Variants in MBP observed in about 807,000 individuals in gnomAD.
MBP encodes Golli-MBP.
Under a neutral mutation model 35.8 loss-of-function variants are expected in MBP, and 16 were observed. That is an observed-to-expected ratio of 0.45 (90% CI 0.30 to 0.68). MBP has a LOEUF of 0.68. Among genes scored for constraint, MBP ranks in the 30% least tolerant of loss-of-function variants. The pLI, the probability that MBP is intolerant of heterozygous loss-of-function variation, is 0.08. For synonymous variants in MBP, 143 were observed against 159.6 expected (o/e 0.90, Z 0.78); for missense variants, 380 against 404.7 (o/e 0.94, Z 0.52).
At chr18:77,109,527 G>A (rs1184283948) in intron 1 of MBP, 2 of 152,224 alleles carry the variant, frequency 1.3e-5, no homozygotes, top group Non-Finnish European at 2.9e-5. Context: ...AAATAATTGT[G>A]AGTGCAATTT....
At chr18:77,073,587 C>T (rs1974535378) in intron 2 of MBP, among the ~76,000 whole-genome samples, 1 of 152,232 alleles carries the variant, frequency 6.6e-6, no homozygotes, top group Admixed American at 6.5e-5. Flanking sequence ...CGCCAGTGCC[C>T]TGCTCCGCAG....
chr18:77,010,730 T>C (rs1427652357), intron 4 of MBP, among the ~76,000 whole-genome samples: 1 of 152,238 alleles, frequency 6.6e-6, no homozygotes, highest in Non-Finnish European at 1.5e-5. Context: ...CTAAGTAGCA[T>C]TAGCTCCTAA....
intron 2 of MBP, among the ~76,000 whole-genome samples, chr18:77,088,754 A>G (rs928334609): frequency 5.9e-5 from 9 of 152,338 alleles, no homozygotes; most frequent in Middle Eastern, 3.4e-3. Flanking sequence ...TATTCAAATC[A>G]TTAATGATCC....
At chr18:77,084,418 C>A (rs1308809158) in intron 2 of MBP, among the ~76,000 whole-genome samples, 3 of 42,764 alleles carry the variant, frequency 7.0e-5, no homozygotes, top group Non-Finnish European at 5.4e-5. Context: ...ACCGCCCCCC[C>A]CGCCACACCA....
At chr18:77,060,564 C>T (rs1973939525) in intron 3 of MBP, among the ~76,000 whole-genome samples, 1 of 149,152 alleles carries the variant, frequency 6.7e-6, no homozygotes, top group African/African-American at 2.5e-5. Flanking sequence ...AGGAATTCTG[C>T]CTCAGCCTTC....
At chr18:77,063,599 A>G in intron 3 of MBP, among the ~76,000 whole-genome samples, 1 of 152,226 alleles carries the variant, frequency 6.6e-6, no homozygotes, top group Non-Finnish European at 1.5e-5. Context: ...TCCGGTGTCC[A>G]AGGACCTGGG....
At chr18:77,052,173 C>T (rs912423344) in intron 3 of MBP, among the ~76,000 whole-genome samples, 1 of 152,182 alleles carries the variant, frequency 6.6e-6, no homozygotes, top group African/African-American at 2.4e-5. Flanking sequence ...CGGGGCGATC[C>T]AACAGCCACA....
chr18:77,105,362 G>A lies in MBP; in HGVS notation c.-25-76C>T, dbSNP rs906672515. 1.3e-5 allele frequency: 12 copies of A among 937,378 alleles called. No individual in the cohort carries two copies. In the African/African-American group the frequency reaches 1.6e-4, roughly 13 times the overall value. The allele number at this position is 937,378 out of a possible 1,614,324, so 58.1% of individuals were successfully genotyped here. Reference sequence around the variant, plus strand: ...TTCGATGTTGTTTTTCCATCAGAAAGACAATCCTGTGATATATGTAATGCC... The same window carrying A: ...TTCGATGTTGTTTTTCCATCAGAAAAACAATCCTGTGATATATGTAATGCC... On this transcript the variant is annotated intron_variant, in intron 1 of 8. Transcript: ENST00000355994.
At chr18:77,000,826 A>C (rs1287197629) in intron 4 of MBP, among the ~76,000 whole-genome samples, 1 of 152,244 alleles carries the variant, frequency 6.6e-6, no homozygotes, top group Non-Finnish European at 1.5e-5. Context: ...CGCCCGATGC[A>C]TCTGAAGATC....
In MBP at chr18:77,081,378, C is replaced by T. The variant is rs1056507488; in HGVS notation, c.52-14993G>A. Among the ~76,000 whole-genome samples the T allele has an allele frequency of 4.6e-5, 7 of 151,944 alleles. 1 individual carries two copies. Among genetic ancestry groups the T allele is most frequent in the Admixed American group, 1.3e-4 (2 of 15,260 alleles). Reference sequence around the variant, plus strand: ...CAACAAAAAGACAAAAACCCAAGTTCGAAAGATGGGGAAAAAATTTGAATA... The same window carrying T: ...CAACAAAAAGACAAAAACCCAAGTTTGAAAGATGGGGAAAAAATTTGAATA... On this transcript the variant is annotated intron_variant, in intron 2 of 8. Transcript: ENST00000355994.
At position 77,101,441 on chromosome 18, in the gene MBP, C is replaced by T. The variant is rs1257761240; in HGVS notation, c.51+3770G>A. ...CTGAGAAGGAGCGCTGTGCCCTGAA[C>T]CTGCGCCTGCCTGGAGGAAGTTACA... is the stretch of plus-strand genomic sequence containing the variant. On this transcript the variant is annotated intron_variant, in intron 2 of 8. Transcript: ENST00000355994. The surrounding 1 kb of genome is among the most constrained non-coding windows in gnomAD (Gnocchi z 4.3). 6.6e-6 allele frequency among the ~76,000 whole-genome samples: 1 copy of T among 152,210 alleles called. No homozygotes were observed. The highest frequency in any genetic ancestry group is 2.4e-5 in the African/African-American group (1 of 41,444).
In MBP at chr18:77,101,329, T is replaced by C. The variant is rs770677949; in HGVS notation, c.51+3882A>G. Among the ~76,000 whole-genome samples, 10 of 152,206 alleles carry C rather than the reference T, an allele frequency of 6.6e-5. No individual in the cohort carries two copies. The highest frequency in any genetic ancestry group is 1.5e-4 in the Non-Finnish European group (10 of 68,030). On this transcript the variant is annotated intron_variant, in intron 2 of 8. Transcript: ENST00000355994. This position sits in a 1 kb window ranked among gnomAD's most constrained non-coding sequence, Gnocchi z 4.3. Reference sequence around the variant, plus strand: ...GCAGAGTGATAGAAAGCTGGTAAATTAGTGAGGCAGGACCATTTGGAAACC... The same window carrying C: ...GCAGAGTGATAGAAAGCTGGTAAATCAGTGAGGCAGGACCATTTGGAAACC...
At chr18:77,104,783 T>A (rs1355513571) in intron 2 of MBP, among the ~76,000 whole-genome samples, 1 of 152,142 alleles carries the variant, frequency 6.6e-6, no homozygotes, top group Non-Finnish European at 1.5e-5. Flanking sequence ...GAATTTACAA[T>A]CTCTTTCCTC....
chr18:77,072,701 G>T (rs899698255), intron 2 of MBP, among the ~76,000 whole-genome samples: 1 of 152,180 alleles, frequency 6.6e-6, no homozygotes, highest in Non-Finnish European at 1.5e-5. Flanking sequence ...CTTCTCAGGG[G>T]CTCTGGCCCA....
intron 8 of MBP, 38 bp from the exon 9 acceptor site, chr18:76,980,509 G>T (rs749588391): frequency 2.6e-6 from 4 of 1,543,942 alleles, no homozygotes; most frequent in Non-Finnish European, 3.6e-6. Context: ...CGAGAGTGCC[G>T]CAGGGTCCTC....
At chr18:77,009,895 A>T (rs773041987) in intron 4 of MBP, 1 of 1,596,298 alleles carries the variant, frequency 6.3e-7, no homozygotes, top group Admixed American at 1.7e-5. Flanking sequence ...ATGAGAGGGC[A>T]GAGGGCTCCG....
intron 4 of MBP, chr18:77,009,955 G>A: frequency 6.6e-7 from 1 of 1,516,852 alleles, no homozygotes. Flanking sequence ...TGGGCTGCGT[G>A]AGTCCGGGTG....
intron 4 of MBP, among the ~76,000 whole-genome samples, chr18:77,009,480 A>C (rs1971200621): frequency 6.6e-6 from 1 of 152,172 alleles, no homozygotes; most frequent in Admixed American, 6.5e-5. Flanking sequence ...GTGGCCATAG[A>C]CCAGGCCAGC....
At chr18:77,077,212 A>T (rs1416729145) in intron 2 of MBP, among the ~76,000 whole-genome samples, 1 of 151,762 alleles carries the variant, frequency 6.6e-6, no homozygotes, top group Non-Finnish European at 1.5e-5. Context: ...AATACAAAAA[A>T]TTAGCTGGGC....
Sources: gnomAD v4.1 joint callset for allele counts (sites outside exome capture counted in the v4.1 genomes callset) on GRCh38, gnomAD v4.1.1 for gene constraint, Gnocchi (gnomAD v3.1) non-coding constraint, MANE v1.5 for transcripts, NCBI Gene and HGNC (gene_info 2026-07-23, HGNC 2026-07-21) for gene names.